The following MICAL3 variants were observed in gnomAD, a reference collection of about 807,000 sequenced individuals.
The protein encoded by MICAL3 is microtubule associated monooxygenase, calponin and LIM domain containing 3.
In MICAL3, 62 loss-of-function variants were observed where a neutral mutation model predicts 207.4. The ratio of observed to expected loss-of-function variants is 0.30; its 90% CI spans 0.24 to 0.37. MICAL3 has a LOEUF of 0.37. MICAL3 is among the 10% of genes least tolerant of loss of function. MICAL3 has a pLI of 1.00. For synonymous variants in MICAL3, 1,077 were observed against 1,069.3 expected, an observed-to-expected ratio of 1.01 and a Z score of -0.14; for missense variants, 2,368 against 2,635.6, an observed-to-expected ratio of 0.90 and a Z score of 2.22.
At chr22:17,858,518 GTTT>G in intron 19 of MICAL3, 1 of 979,376 alleles carries the variant, frequency 1.0e-6, no homozygotes, top group South Asian at 4.7e-5. Flanking sequence ...CCACATGGGT[GTTT>G]TTATCTCGGG....
At position 17,793,173 on chromosome 22, in the gene MICAL3, A is replaced by G. The variant is rs1049010449; in HGVS notation, c.5651-1872T>C. Among the ~76,000 whole-genome samples the G allele has an allele frequency of 1.4e-4, 21 of 152,208 alleles. No homozygotes were observed. Among genetic ancestry groups the G allele is most frequent in the Admixed American group, 1.2e-3 (18 of 15,278 alleles). On this transcript the variant is annotated intron_variant, in intron 29 of 31. Coordinates refer to ENST00000441493, the MANE Select transcript of MICAL3 (RefSeq NM_015241.3). This position sits in a 1 kb window ranked among gnomAD's most constrained non-coding sequence, Gnocchi z 4.1. ...CTGTGGACGGCAGGTAAGAGTTAGC[A>G]GGGTTAGTCACGGCCACACCCCCCA...
chr22:17,877,372 AGGT>A, intron 16 of MICAL3, among the ~76,000 whole-genome samples: 5 of 110,344 alleles, frequency 4.5e-5, no homozygotes, highest in Admixed American at 9.6e-5. Context: ...GAGGTTAGGG[AGGT>A]GAGGGAGGTT....
At chr22:17,957,527 T>C (rs1033720721) in intron 1 of MICAL3, among the ~76,000 whole-genome samples, 2 of 152,014 alleles carry the variant, frequency 1.3e-5, no homozygotes, top group African/African-American at 4.8e-5. Flanking sequence ...CTGGGCAACA[T>C]GGCAAAATCC....
At chr22:17,876,810 AGG>A (rs1928481542) in intron 16 of MICAL3, 1 of 115,142 alleles carries the variant, frequency 8.7e-6, no homozygotes, top group African/African-American at 3.2e-5. Context: ...TATGGAGGTT[AGG>A]GAGGTTAGGG....
intron 1 of MICAL3, among the ~76,000 whole-genome samples, chr22:17,970,913 G>T (rs1305520223): frequency 6.6e-6 from 1 of 152,172 alleles, no homozygotes; most frequent in Admixed American, 6.5e-5. Flanking sequence ...CGGGCATAGT[G>T]GCACACACCT....
intron 1 of MICAL3, among the ~76,000 whole-genome samples, chr22:18,018,823 AACACAAATCTCAGG>A (rs1924247946): frequency 6.8e-6 from 1 of 147,174 alleles, no homozygotes; most frequent in African/African-American, 2.6e-5. Context: ...ACAAAACTGA[AACACAAATCTCAGG>A]ACACAAATCT....
intron 11 of MICAL3, among the ~76,000 whole-genome samples, chr22:17,892,185 C>G (rs1930448975): frequency 6.6e-6 from 1 of 152,208 alleles, no homozygotes; most frequent in Admixed American, 6.5e-5. Flanking sequence ...AACCCTGGGG[C>G]CCCAGACCAG....
At chr22:17,849,644 ATG>A (rs149239378) in intron 19 of MICAL3, among the ~76,000 whole-genome samples, 23,548 of 78,374 alleles carry the variant, frequency 0.3, 3,080 homozygotes, top group East Asian at 0.44. Context: ...CCAGAATGGA[ATG>A]TGTGTGTGTG....
intron 19 of MICAL3, chr22:17,842,379 T>A: frequency 8.7e-6 from 2 of 229,166 alleles, no homozygotes; most frequent in East Asian, 8.8e-5. Flanking sequence ...CAGCCTTGCC[T>A]GAGAAGGGCA....
intron 19 of MICAL3, among the ~76,000 whole-genome samples, chr22:17,844,474 T>G (rs1924425874): frequency 6.6e-6 from 1 of 152,206 alleles, no homozygotes; most frequent in African/African-American, 2.4e-5. Flanking sequence ...GACAGAGCTT[T>G]TAATGAACCC....
chr22:17,949,581 T>A (rs1934234803), intron 1 of MICAL3, among the ~76,000 whole-genome samples: 1 of 152,200 alleles, frequency 6.6e-6, no homozygotes, highest in African/African-American at 2.4e-5. Context: ...TTGCCCTCTG[T>A]CATAAACTTT....
intron 1 of MICAL3, among the ~76,000 whole-genome samples, chr22:17,978,330 T>C (rs1935747251): frequency 6.6e-6 from 1 of 152,184 alleles, no homozygotes; most frequent in Admixed American, 6.5e-5. Context: ...CATGAAATGT[T>C]CAGAATAGCA....
At position 17,842,232 on chromosome 22, in the gene MICAL3, C is replaced by T. The variant is rs998343587; in HGVS notation, c.2606-215G>A. The T allele has an allele frequency of 6.4e-5, 38 of 592,574 alleles. No homozygotes were observed. The African/African-American group carries it at 6.9e-4, about 11-fold the overall frequency. 36.7% of individuals were successfully genotyped at this position (592,574 alleles called of 1,614,324 possible). On this transcript the variant is annotated intron_variant, in intron 19 of 31. Coordinates refer to ENST00000441493, the MANE Select transcript of MICAL3 (RefSeq NM_015241.3). ...AAAGGAAGGTGGCCCTGTCTGCCCT[C>T]CAGGTCAGAGCGTTCTCTCTCCTTC...
chr22:17,805,750 CAG>C (rs1268791445), intron 29 of MICAL3, among the ~76,000 whole-genome samples: 1 of 152,188 alleles, frequency 6.6e-6, no homozygotes, highest in Admixed American at 6.5e-5. Context: ...GTTTTTGAGA[CAG>C]AGTTTCGCTC....
chr22:17,980,450 A>G (rs9605472), intron 1 of MICAL3, among the ~76,000 whole-genome samples: 41,042 of 152,052 alleles, frequency 0.27, 6,007 homozygotes, highest in African/African-American at 0.38. Context: ...CTGCACACAC[A>G]TCTGGCTCCC....
chr22:17,874,845 C>T lies in MICAL3; in HGVS notation c.2242-2822G>A, dbSNP rs564848899. 3.9e-5 allele frequency among the ~76,000 whole-genome samples: 6 copies of T among 152,278 alleles called. No homozygotes were observed. The South Asian group carries it at 8.3e-4, about 21-fold the overall frequency. ...ACTGAACCAGTGCTACTTCAGATCC[C>T]GCCGCACACCATACGCGTGCATATG... On this transcript the variant is annotated intron_variant, in intron 16 of 31. Transcript: ENST00000441493.
At chr22:17,946,659 T>C (rs1934082263) in intron 1 of MICAL3, among the ~76,000 whole-genome samples, 2 of 152,050 alleles carry the variant, frequency 1.3e-5, no homozygotes, top group Admixed American at 6.6e-5. Flanking sequence ...AACCACCAGG[T>C]GATTGGGGAA....
Position 17,934,306 on chromosome 22 carries a change from T to C in MICAL3, c.-74-27420A>G, listed in dbSNP as rs1168704337. ...TAGGATGCAAGGCTGGTTCAACATA[T>C]GCAAATCAATAAACGTAATCCATCA... On this transcript the variant is annotated intron_variant, in intron 1 of 31. Transcript: ENST00000441493. Among the ~76,000 whole-genome samples, 6 of 152,240 alleles carry C rather than the reference T, an allele frequency of 3.9e-5. No individual in the cohort carries two copies. In the East Asian group the frequency reaches 5.8e-4, roughly 15 times the overall value.
chr22:18,016,079 G>A (rs1402692379), intron 1 of MICAL3, among the ~76,000 whole-genome samples: 1 of 152,064 alleles, frequency 6.6e-6, no homozygotes, highest in Non-Finnish European at 1.5e-5. Context: ...TAATTTTATG[G>A]CTTTTCCCAT....
Sources: allele counts gnomAD v4.1 joint callset (sites outside exome capture counted in the v4.1 genomes callset), GRCh38; gene constraint gnomAD v4.1.1; non-coding constraint Gnocchi (gnomAD v3.1); transcripts MANE v1.5; gene names NCBI Gene and HGNC (gene_info 2026-07-23, HGNC 2026-07-21).